Variants in TAFA2 observed in about 807,000 individuals in gnomAD.
TAFA2 encodes the protein TAFA chemokine like family member 2.
A neutral mutation model predicts 18.8 loss-of-function variants in TAFA2; 7 were observed. The ratio of observed to expected loss-of-function variants is 0.37; its 90% CI spans 0.21 to 0.70. The LOEUF is 0.70. Among genes scored for constraint, TAFA2 ranks in the 30% least tolerant of loss-of-function variants. The pLI, the probability that TAFA2 is intolerant of heterozygous loss-of-function variation, is 0.53. For missense variants in TAFA2, 122 were observed against 158.1 expected (o/e 0.77, Z 1.23); for synonymous variants, 60 against 54.2 (o/e 1.11, Z -0.47).
chr12:61,811,242 C>A (rs1413429926), intron 2 of TAFA2, among the ~76,000 whole-genome samples: 1 of 151,204 alleles, frequency 6.6e-6, no homozygotes, highest in African/African-American at 2.5e-5. Context: ...ATGTTCAATT[C>A]TTCATGTATT....
At chr12:62,078,075 GCA>G (rs1868264222) in intron 1 of TAFA2, among the ~76,000 whole-genome samples, 1 of 152,066 alleles carries the variant, frequency 6.6e-6, no homozygotes, top group African/African-American at 2.4e-5. Flanking sequence ...TCTTGAGACA[GCA>G]CAGGTCCCGG....
chr12:62,120,496 T>C (rs1450535530), intron 1 of TAFA2, among the ~76,000 whole-genome samples: 1 of 152,222 alleles, frequency 6.6e-6, no homozygotes, highest in African/African-American at 2.4e-5. Flanking sequence ...TAGAAAATGT[T>C]GAATATTACT....
intron 1 of TAFA2, among the ~76,000 whole-genome samples, chr12:62,228,709 G>GT (rs1343791322): frequency 1.3e-5 from 2 of 152,054 alleles, no homozygotes; most frequent in Non-Finnish European, 2.9e-5. Context: ...GGTTATTCAG[G>GT]ATCATTTGTG....
At chr12:61,864,164 A>T (rs1328847296) in intron 2 of TAFA2, among the ~76,000 whole-genome samples, 2 of 152,106 alleles carry the variant, frequency 1.3e-5, no homozygotes, top group Non-Finnish European at 2.9e-5. Context: ...GAAATAATAC[A>T]TTATAATGAC....
intron 1 of TAFA2, among the ~76,000 whole-genome samples, chr12:62,146,284 CTTTT>C (rs11415151): frequency 0.011 from 1,325 of 117,702 alleles, 22 homozygotes; most frequent in African/African-American, 0.041. Context: ...CCCTTTGCTG[CTTTT>C]TTTTTTTTTT....
chr12:62,238,818 T>C (rs1044828852), intron 1 of TAFA2, among the ~76,000 whole-genome samples: 4 of 152,230 alleles, frequency 2.6e-5, no homozygotes, highest in South Asian at 2.1e-4. Context: ...CAGTATACAG[T>C]ATATGGATAC....
intron 4 of TAFA2, among the ~76,000 whole-genome samples, chr12:61,713,806 G>T (rs1869523157): frequency 6.6e-6 from 1 of 152,008 alleles, no homozygotes; most frequent in Middle Eastern, 3.4e-3. Context: ...ATGCTGGGGG[G>T]GAAACATATT....
chr12:62,257,826 T>A (rs1177015243), intron 1 of TAFA2, among the ~76,000 whole-genome samples: 1 of 152,212 alleles, frequency 6.6e-6, no homozygotes, highest in African/African-American at 2.4e-5. Flanking sequence ...GCTTTTCTCA[T>A]CAATTTATCT....
At chr12:62,124,231 G>T (rs1311732783) in intron 1 of TAFA2, among the ~76,000 whole-genome samples, 1 of 151,882 alleles carries the variant, frequency 6.6e-6, no homozygotes, top group Non-Finnish European at 1.5e-5. Flanking sequence ...ATATGTATTT[G>T]TCAGAAATAA....
At chr12:61,822,097 T>C (rs1279573594) in intron 2 of TAFA2, among the ~76,000 whole-genome samples, 1 of 152,052 alleles carries the variant, frequency 6.6e-6, no homozygotes, top group Non-Finnish European at 1.5e-5. Context: ...AAATGTTATT[T>C]TTCTCATTGA....
In TAFA2 at chr12:61,791,384, A is replaced by G. The variant is rs181495636; in HGVS notation, c.107-36360T>C. Among the ~76,000 whole-genome samples the G allele has an allele frequency of 3.8e-3, 578 of 151,908 alleles. 1 individual carries two copies. Among genetic ancestry groups the G allele is most frequent in the Non-Finnish European group, 5.7e-3 (384 of 67,820 alleles). On this transcript the variant is annotated intron_variant, in intron 2 of 4. Transcript: ENST00000416284. ...TACATCAAACTTCAAAACCTTCAGC[A>G]TACAAAAAAGCTTCAGCATAGCAAT...
chr12:62,004,629 G>A (rs1426071437), intron 1 of TAFA2, among the ~76,000 whole-genome samples: 3 of 152,034 alleles, frequency 2.0e-5, no homozygotes, highest in Non-Finnish European at 2.9e-5. Context: ...TAAGATAAGC[G>A]GGATGGGCAA....
At chr12:61,814,131 C>A (rs1310799475) in intron 2 of TAFA2, among the ~76,000 whole-genome samples, 2 of 151,278 alleles carry the variant, frequency 1.3e-5, no homozygotes, top group Non-Finnish European at 2.9e-5. Context: ...ATCTCTTTTG[C>A]AGTAGAGAGC....
intron 1 of TAFA2, among the ~76,000 whole-genome samples, chr12:62,112,420 T>C (rs1199935072): frequency 1.3e-5 from 2 of 152,202 alleles, no homozygotes; most frequent in Admixed American, 1.3e-4. Context: ...GCCCTTAACA[T>C]TTTTTCCTTC....
At chr12:61,736,767 A>G (rs959265257) in intron 4 of TAFA2, among the ~76,000 whole-genome samples, 109 of 152,080 alleles carry the variant, frequency 7.2e-4, no homozygotes, top group African/African-American at 2.5e-3. Flanking sequence ...CTTTTAACAA[A>G]TAACTCCTAG....
intron 2 of TAFA2, among the ~76,000 whole-genome samples, chr12:61,771,909 C>CAA (rs58401862): frequency 1.5e-4 from 22 of 145,000 alleles, no homozygotes; most frequent in African/African-American, 5.3e-4. Flanking sequence ...GAAATTGAAA[C>CAA]AAAAAAAAAA....
At chr12:61,955,428 C>A (rs1486681632) in intron 1 of TAFA2, among the ~76,000 whole-genome samples, 1 of 149,674 alleles carries the variant, frequency 6.7e-6, no homozygotes, top group Non-Finnish European at 1.5e-5. Context: ...ATGGTGAAAC[C>A]CCGTCTCTAT....
intron 2 of TAFA2, among the ~76,000 whole-genome samples, chr12:61,828,662 T>C (rs1414950570): frequency 6.6e-6 from 1 of 151,834 alleles, no homozygotes; most frequent in Non-Finnish European, 1.5e-5. Context: ...GAGAAAAAAT[T>C]TATTTACATT....
At chr12:61,895,603 G>A (rs575778790) in intron 1 of TAFA2, among the ~76,000 whole-genome samples, 7 of 152,254 alleles carry the variant, frequency 4.6e-5, no homozygotes, top group Admixed American at 2.0e-4. Flanking sequence ...CAAGAATAAC[G>A]TCCATGCTTA....
Sources: allele counts gnomAD v4.1 joint callset (sites outside exome capture counted in the v4.1 genomes callset), GRCh38; gene constraint gnomAD v4.1.1; transcripts MANE v1.5; gene names NCBI Gene and HGNC (gene_info 2026-07-23, HGNC 2026-07-21).